ERCC6: variants seen among roughly 807,000 people sequenced by gnomAD.
The protein encoded by ERCC6 is ERCC excision repair 6, chromatin remodeling factor, also known as DNA excision repair protein ERCC-6.
Under a neutral mutation model 158.7 loss-of-function variants are expected in ERCC6, and 116 were observed. That is an observed-to-expected ratio of 0.73 (90% confidence interval 0.63 to 0.85). The LOEUF is 0.85. Among genes scored for constraint, ERCC6 ranks in the 40% least tolerant of loss-of-function variants. The pLI, the probability that ERCC6 is intolerant of heterozygous loss-of-function variation, is 0.00. For missense variants in ERCC6, 1,698 were observed against 1,799.4 expected, an observed-to-expected ratio of 0.94 and a Z score of 1.02; for synonymous variants, 678 against 659.3, an observed-to-expected ratio of 1.03 and a Z score of -0.43.
intron 18 of ERCC6, among the ~76,000 whole-genome samples, chr10:49,467,307 A>G (rs1180235537): frequency 1.3e-5 from 2 of 152,210 alleles, no homozygotes; most frequent in Admixed American, 6.5e-5. Flanking sequence ...ACTGTTTTCC[A>G]AAGTGATTGT....
chr10:49,508,044 A>C (rs559759950), intron 5 of ERCC6, among the ~76,000 whole-genome samples: 136 of 152,276 alleles, frequency 8.9e-4, no homozygotes, highest in African/African-American at 3.2e-3. Context: ...TTACATAATG[A>C]GAGAGTCCTC....
At chr10:49,475,485 C>A (rs1397956985) in intron 12 of ERCC6, 1 of 421,834 alleles carries the variant, frequency 2.4e-6, no homozygotes, top group African/African-American at 2.0e-5. Context: ...ATGTGAATGA[C>A]TGAAGAACCT....
intron 7 of ERCC6, among the ~76,000 whole-genome samples, chr10:49,500,075 C>T (rs992550217): frequency 3.9e-5 from 6 of 152,186 alleles, no homozygotes; most frequent in Admixed American, 1.3e-4. Flanking sequence ...AGCTCCAACT[C>T]TCCCCATGAA....
intron 10 of ERCC6, among the ~76,000 whole-genome samples, chr10:49,479,506 T>C (rs1850939535): frequency 6.6e-6 from 1 of 152,364 alleles, no homozygotes; most frequent in East Asian, 1.9e-4. Flanking sequence ...CAATGACTTT[T>C]AGTTATATAT....
chr10:49,507,924 AT>A, intron 5 of ERCC6, among the ~76,000 whole-genome samples: 1 of 4,760 alleles, frequency 2.1e-4, no homozygotes, highest in African/African-American at 3.0e-4. Flanking sequence ...CTGAACAGAT[AT>A]ATATACACTT....
At chr10:49,495,345 G>A (rs1224775926) in intron 7 of ERCC6, among the ~76,000 whole-genome samples, 1 of 152,038 alleles carries the variant, frequency 6.6e-6, no homozygotes. Context: ...TCACACACCT[G>A]GAGCAGAGTC....
Position 49,532,554 on chromosome 10 carries a change from C to T in ERCC6, c.411G>A (p.Leu137=), listed in dbSNP as rs4253013. The change falls in exon 2 of 21, where the codon CTG becomes CTA. Residue 137 remains leucine (L), a synonymous_variant. Transcript: ENST00000355832. ...TGGGCTGCACTCACGTGAGGTCATC[C>T]AGGACCGACCGATACTCCTTCTCCA... ...VDVEKEYRSV[L]DDLTSCTTSL... 0.083 allele frequency: 134,559 copies of T among 1,613,920 alleles called. 8,843 individuals are homozygous for T. The highest frequency in any genetic ancestry group is 0.35 in the East Asian group (15,771 of 44,870).
At chr10:49,504,970 T>C (rs1851419298) in intron 6 of ERCC6, 1 of 152,186 alleles carries the variant, frequency 6.6e-6, no homozygotes, top group African/African-American at 2.4e-5. Flanking sequence ...TGTTTTTAAG[T>C]AGACTTCTTC....
At chr10:49,520,999 C>A (rs1418856546) in intron 5 of ERCC6, among the ~76,000 whole-genome samples, 8 of 152,174 alleles carry the variant, frequency 5.3e-5, no homozygotes, top group African/African-American at 1.9e-4. Flanking sequence ...ACTGGATGAA[C>A]TTCCCCAACA....
intron 5 of ERCC6, among the ~76,000 whole-genome samples, chr10:49,510,907 A>G (rs1232480648): frequency 1.3e-5 from 2 of 151,804 alleles, no homozygotes; most frequent in Non-Finnish European, 2.9e-5. Context: ...CACTGCTCCT[A>G]GCTCTGTCCA....
At chr10:49,507,127 T>C (rs1851457359) in intron 5 of ERCC6, among the ~76,000 whole-genome samples, 1 of 152,114 alleles carries the variant, frequency 6.6e-6, no homozygotes, top group Non-Finnish European at 1.5e-5. Flanking sequence ...CCAGTATCCA[T>C]TACAAAACCA....
At position 49,532,620 on chromosome 10, in the gene ERCC6, A is replaced by C. The variant is rs1564447043; in HGVS notation, c.345T>G (p.Asn115Lys). 3.1e-6 allele frequency: 5 copies of C among 1,614,070 alleles called. No homozygotes were observed. In the South Asian group the frequency reaches 5.5e-5, roughly 18 times the overall value. Reference protein sequence around the residue: ...LEQGVLQQVDNAIHEASRASQ... With the variant: ...LEQGVLQQVDKAIHEASRASQ... ...AGGCACGGCTGGCCTCATGGATGGC[A>C]TTGTCCACCTGCTGAAGCACTCCCT... The change falls in exon 2 of 21, where the codon AAT (asparagine) becomes AAG (lysine). Residue 115 changes from asparagine to lysine, a missense_variant. Coordinates refer to ENST00000355832, the MANE Select transcript of ERCC6 (RefSeq NM_000124.4).
the ERCC6 span, among the ~76,000 whole-genome samples, chr10:49,438,813 A>G: frequency 1.3e-5 from 2 of 152,192 alleles, no homozygotes; most frequent in Non-Finnish European, 2.9e-5. Flanking sequence ...CAAATGGGAG[A>G]AATTGGCCAA....
intron 5 of ERCC6, among the ~76,000 whole-genome samples, chr10:49,508,045 G>A (rs116371381): frequency 1.3e-4 from 20 of 152,238 alleles, no homozygotes; most frequent in African/African-American, 4.3e-4. Flanking sequence ...TACATAATGA[G>A]AGAGTCCTCG....
chr10:49,524,877 A>G, intron 4 of ERCC6, 100 bp from the exon 5 acceptor site: 1 of 1,545,372 alleles, frequency 6.5e-7, no homozygotes, highest in South Asian at 1.2e-5. Flanking sequence ...AGCTACAAAT[A>G]ACTCATATAA....
In ERCC6 at chr10:49,530,902, A is replaced by C. The variant is rs1331640294; in HGVS notation, c.423-62T>G. On this transcript the variant is annotated intron_variant, in intron 2 of 20. Transcript: ENST00000355832. ...ATAACATTTTTATAGCATAATATAA[A>C]GAGAAAAATGCTAAAAACATGTCCC... 4 of 1,592,766 alleles carry C rather than the reference A, an allele frequency of 2.5e-6. No homozygotes were observed. The African/African-American group carries it at 5.4e-5, about 21-fold the overall frequency.
Position 49,516,266 on chromosome 10 carries a change from T to G in ERCC6, c.1397+7767A>C, listed in dbSNP as rs201406273. ...GAATGGGCTTTCCCCGAATAAATTG[T>G]TTGCACCCGTGACGACCAAAATAAG... On this transcript the variant is annotated intron_variant, in intron 5 of 20. Transcript: ENST00000355832. 1.6e-4 allele frequency: 264 copies of G among 1,613,990 alleles called. No homozygotes were observed. Among genetic ancestry groups the G allele is most frequent in the Non-Finnish European group, 2.1e-4 (246 of 1,180,042 alleles).
downstream of ERCC6, among the ~76,000 whole-genome samples, chr10:49,453,802 AC>A (rs1850447780): frequency 6.6e-6 from 1 of 151,976 alleles, no homozygotes; most frequent in Admixed American, 6.6e-5. Flanking sequence ...TGACTGTTAT[AC>A]CTGCCTTCTG....
intron 10 of ERCC6, among the ~76,000 whole-genome samples, chr10:49,481,896 GT>G (rs763387298): frequency 6.6e-6 from 1 of 152,138 alleles, no homozygotes; most frequent in African/African-American, 2.4e-5. Flanking sequence ...CACCCCAGTG[GT>G]TCCTGCAGGT....
Sources: gnomAD v4.1 joint callset for allele counts (sites outside exome capture counted in the v4.1 genomes callset) on GRCh38, gnomAD v4.1.1 for gene constraint, MANE v1.5 for transcripts, NCBI Gene and HGNC (gene_info 2026-07-23, HGNC 2026-07-21) for gene names.